The following SPINK8 variants were observed in gnomAD, a reference collection of about 807,000 sequenced individuals.
SPINK8 encodes serine peptidase inhibitor Kazal type 8 (putative), also known as serine protease inhibitor Kazal-type 8.
Under a neutral mutation model 14.4 loss-of-function variants are expected in SPINK8, and 12 were observed. The observed-to-expected ratio is 0.83, with a 90% CI of 0.53 to 1.35. SPINK8 has a LOEUF of 1.35. SPINK8 is among the 40% of genes most tolerant of loss of function. The probability of loss-of-function intolerance (pLI) is 0.00; values close to 1 mark genes in which losing one functional copy is unlikely to be tolerated. For missense variants in SPINK8, 103 were observed against 117.0 expected, an observed-to-expected ratio of 0.88 and a Z score of 0.55; for synonymous variants, 32 against 37.6, an observed-to-expected ratio of 0.85 and a Z score of 0.55.
intron 4 of SPINK8, among the ~76,000 whole-genome samples, chr3:48,322,209 G>T (rs2036085256): frequency 1.3e-5 from 2 of 152,132 alleles, no homozygotes; most frequent in Middle Eastern, 6.8e-3. Context: ...TATATTCACA[G>T]TTATGCCATC....
rs78413882 is a variant in SPINK8, at chr3:48,312,176, G to A, written c.240-2230C>T. Among the ~76,000 whole-genome samples the A allele has an allele frequency of 6.4e-3, 969 of 151,532 alleles. 8 individuals carry two copies. The highest frequency in any genetic ancestry group is 0.022 in the African/African-American group (904 of 41,326). ...TATAATAATCAGTGGTACTGGTACTGGTATTAGGATATAAATACAGAACAA... is the reference window on the plus strand; with the variant it reads ...TATAATAATCAGTGGTACTGGTACTAGTATTAGGATATAAATACAGAACAA... On this transcript the variant is annotated intron_variant, in intron 6 of 7. Transcript: ENST00000434006.
intron 5 of SPINK8, among the ~76,000 whole-genome samples, chr3:48,320,818 T>C (rs1436212356): frequency 6.6e-6 from 1 of 152,202 alleles, no homozygotes; most frequent in African/African-American, 2.4e-5. Context: ...AGGTGAGTTA[T>C]GTAAACTGAT....
At chr3:48,307,095 G>C in intron 7 of SPINK8, 92 bp from the exon 8 acceptor site, 1 of 1,211,676 alleles carries the variant, frequency 8.3e-7, no homozygotes. Flanking sequence ...GTTCAGCAGG[G>C]GAAATGCTAA....
At chr3:48,319,286 G>T (rs1286070954) in intron 6 of SPINK8, among the ~76,000 whole-genome samples, 1 of 152,094 alleles carries the variant, frequency 6.6e-6, no homozygotes, top group African/African-American at 2.4e-5. Flanking sequence ...TCACCTTAGT[G>T]GATTTCTGTT....
At chr3:48,325,689 T>C (rs1476894603) in intron 4 of SPINK8, among the ~76,000 whole-genome samples, 3 of 151,148 alleles carry the variant, frequency 2.0e-5, no homozygotes, top group Non-Finnish European at 2.9e-5. Context: ...GCCTCCCAGG[T>C]TCAAGTGATT....
intron 6 of SPINK8, among the ~76,000 whole-genome samples, chr3:48,315,720 CAAAAAAAAAA>C (rs66504818): frequency 4.6e-5 from 1 of 21,940 alleles, no homozygotes; most frequent in Non-Finnish European, 9.7e-5. Context: ...GACTCCATCT[CAAAAAAAAAA>C]AAAAAAAAAA....
chr3:48,308,013 G>A (rs13070210), intron 7 of SPINK8, among the ~76,000 whole-genome samples: 30,659 of 129,320 alleles, frequency 0.24, 4,116 homozygotes, highest in South Asian at 0.32. Context: ...TCACTCTGGC[G>A]CCCAGGCTGG....
At chr3:48,307,534 G>GC (rs1365598443) in intron 7 of SPINK8, among the ~76,000 whole-genome samples, 21 of 73,080 alleles carry the variant, frequency 2.9e-4, no homozygotes, top group African/African-American at 9.3e-4. Context: ...CTCCCTATCT[G>GC]CCCCCCACCC....
chr3:48,319,481 C>T lies in SPINK8; in HGVS notation c.239+16G>A. On this transcript the variant is annotated intron_variant, in intron 6 of 7. Coordinates refer to ENST00000434006, the MANE Select transcript of SPINK8 (RefSeq NM_001080525.3). ...CTCTTGACTTGAAAGAAAGGGAGAA[C>T]AAAATTAGGACTTACAGAATTTTGG... 1.2e-6 allele frequency: 2 copies of T among 1,613,744 alleles called. No individual in the cohort carries two copies. The highest frequency in any genetic ancestry group is 1.7e-6 in the Non-Finnish European group (2 of 1,179,734).
At chr3:48,312,700 C>A (rs1473634475) in intron 6 of SPINK8, among the ~76,000 whole-genome samples, 15 of 151,300 alleles carry the variant, frequency 9.9e-5, no homozygotes, top group Admixed American at 9.9e-4. Context: ...AAATTTAATT[C>A]AAAAATGGAT....
At chr3:48,317,050 T>G (rs1216411372) in intron 6 of SPINK8, among the ~76,000 whole-genome samples, 1 of 152,224 alleles carries the variant, frequency 6.6e-6, no homozygotes, top group Non-Finnish European at 1.5e-5. Flanking sequence ...TATAAACATA[T>G]TTTTGTTTGT....
At chr3:48,310,186 A>C (rs2035907301) in intron 6 of SPINK8, among the ~76,000 whole-genome samples, 1 of 152,154 alleles carries the variant, frequency 6.6e-6, no homozygotes. Context: ...TGAAAATTCA[A>C]GTAGAAATAC....
intron 2 of SPINK8, among the ~76,000 whole-genome samples, chr3:48,330,634 G>A (rs1298915531): frequency 6.6e-6 from 1 of 151,964 alleles, no homozygotes; most frequent in African/African-American, 2.4e-5. Flanking sequence ...CCCGATCATT[G>A]TCCCTCCCCT....
intron 4 of SPINK8, among the ~76,000 whole-genome samples, chr3:48,322,420 C>T (rs1294943882): frequency 1.3e-5 from 2 of 151,942 alleles, no homozygotes; most frequent in African/African-American, 2.4e-5. Context: ...ACTGCAACCT[C>T]GGCCTCCTGG....
intron 6 of SPINK8, among the ~76,000 whole-genome samples, chr3:48,314,335 TA>T (rs1281459634): frequency 0.044 from 6,319 of 143,806 alleles, 389 homozygotes; most frequent in African/African-American, 0.14. Context: ...TTCTGGGAAT[TA>T]AAAAAAAAAA....
intron 4 of SPINK8, among the ~76,000 whole-genome samples, chr3:48,322,811 T>C (rs2036092959): frequency 6.6e-6 from 1 of 152,224 alleles, no homozygotes; most frequent in African/African-American, 2.4e-5. Flanking sequence ...ATATTCCACA[T>C]TTTATTTATC....
intron 7 of SPINK8, among the ~76,000 whole-genome samples, chr3:48,307,961 C>CTTTTTTTTTT (rs869147798): frequency 5.9e-5 from 4 of 68,214 alleles, no homozygotes; most frequent in African/African-American, 1.9e-4. Flanking sequence ...AGTCTGCATT[C>CTTTTTTTTTT]TTTTTTTTTT....
chr3:48,323,931 C>CTT (rs34730457), intron 4 of SPINK8, among the ~76,000 whole-genome samples: 250 of 139,162 alleles, frequency 1.8e-3, no homozygotes, highest in Admixed American at 3.7e-3. Context: ...AGTACTTCAA[C>CTT]TTTTTTTTTT....
At position 48,321,081 on chromosome 3, in the gene SPINK8, G is replaced by A; in HGVS notation, c.68-7C>T. 1 of 1,574,652 alleles carries A rather than the reference G, an allele frequency of 6.4e-7. No homozygotes were observed. The highest frequency in any genetic ancestry group is 1.7e-4 in the Middle Eastern group (1 of 6,028). On this transcript the variant is annotated splice_polypyrimidine_tract_variant and splice_region_variant and intron_variant, in intron 4 of 7. Coordinates refer to ENST00000434006, the MANE Select transcript of SPINK8 (RefSeq NM_001080525.3). ...GCCATAGGAAGGGGGAAGTCTGGAA[G>A]ACAAAAGCACATACAGAAAAGTTGC...
Sources: allele counts gnomAD v4.1 joint callset (sites outside exome capture counted in the v4.1 genomes callset), GRCh38; gene constraint gnomAD v4.1.1; transcripts MANE v1.5; gene names NCBI Gene and HGNC (gene_info 2026-07-23, HGNC 2026-07-21).